The following CAPN2 variants were observed in gnomAD, a reference collection of about 807,000 sequenced individuals.
The protein encoded by CAPN2 is calpain-2 catalytic subunit.
A neutral mutation model predicts 102.3 loss-of-function variants in CAPN2; 92 were observed. The ratio of observed to expected loss-of-function variants is 0.90; its 90% CI spans 0.76 to 1.07. The LOEUF is 1.07. Ranked by LOEUF, CAPN2 falls within the 50% of genes least tolerant of loss-of-function variation. The pLI, the probability that CAPN2 is intolerant of heterozygous loss-of-function variation, is 0.00. For missense variants in CAPN2, 800 were observed against 909.4 expected (o/e 0.88, Z 1.55); for synonymous variants, 340 against 355.4 (o/e 0.96, Z 0.49).
At chr1:223,713,580 C>T (rs1485168431) in intron 1 of CAPN2, among the ~76,000 whole-genome samples, 7 of 152,194 alleles carry the variant, frequency 4.6e-5, no homozygotes, top group African/African-American at 1.4e-4. Context: ...ACTTGTGCTC[C>T]CCAATCTACT....
chr1:223,772,382 A>C lies in CAPN2; in HGVS notation c.2079+143A>C, dbSNP rs1661506023. 13 of 631,268 alleles carry C rather than the reference A, an allele frequency of 2.1e-5. No individual in the cohort carries two copies. The South Asian group carries it at 2.5e-4, about 12-fold the overall frequency. The allele number at this position is 631,268 out of a possible 1,614,324, so 39.1% of individuals were successfully genotyped here. On this transcript the variant is annotated intron_variant, in intron 20 of 20. Transcript: ENST00000295006. The stretch of plus-strand genomic sequence containing the variant: ...GGGGCCAGGCCTGTAACCGGTTGTA[A>C]GATCCCACAATGCACTTTTACTTGC...
chr1:223,712,986 G>A (rs1659780964), intron 1 of CAPN2, 109 bp downstream of exon 1: 11 of 745,502 alleles, frequency 1.5e-5, no homozygotes, highest in Non-Finnish European at 1.8e-6. Context: ...CTGCAGTGGG[G>A]AAGCCGCAAG....
intron 1 of CAPN2, among the ~76,000 whole-genome samples, chr1:223,707,079 C>CAAAAAAAA (rs34249886): frequency 1.2e-5 from 1 of 80,934 alleles, no homozygotes. Context: ...GACTCCACCT[C>CAAAAAAAA]AAAAAAAAAA....
In CAPN2 at chr1:223,731,931, G is replaced by T. The variant is rs1660347854; in HGVS notation, c.308-12169G>T. ...GTAAGCTGAGTTCTTTCCCTACTTG[G>T]TATCAGTTGCAAAGAAAGAACACTC... On this transcript the variant is annotated intron_variant, in intron 2 of 20. Coordinates refer to ENST00000295006, the MANE Select transcript of CAPN2 (RefSeq NM_001748.5). The surrounding 1 kb of genome is among the most constrained non-coding windows in gnomAD (Gnocchi z 4.2). Among the ~76,000 whole-genome samples, 1 of 152,156 alleles carries T rather than the reference G, an allele frequency of 6.6e-6. No homozygotes were observed. The highest frequency in any genetic ancestry group is 2.4e-5 in the African/African-American group (1 of 41,428).
Position 223,749,092 on chromosome 1 carries a change from G to A in CAPN2, c.783G>A (p.Gly261=). ...EAITFQKLVK[G]HAYSVTGAEE... ...TCACGTTTCAGAAGCTGGTGAAGGG[G>A]CACGCGTACTCGGTCACCGGAGCCG... Residue 261 remains glycine, a synonymous_variant, in exon 6 of 21, where the codon GGG becomes GGA. Coordinates refer to ENST00000295006, the MANE Select transcript of CAPN2 (RefSeq NM_001748.5). 2 of 1,614,092 alleles carry A rather than the reference G, an allele frequency of 1.2e-6. No individual in the cohort carries two copies. The highest frequency in any genetic ancestry group is 1.7e-6 in the Non-Finnish European group (2 of 1,179,950).
At position 223,756,317 on chromosome 1, in the gene CAPN2, C is replaced by T. The variant is rs1327900826; in HGVS notation, c.1305+668C>T. On this transcript the variant is annotated intron_variant, in intron 10 of 20. Transcript: ENST00000295006. This position sits in a 1 kb window ranked among gnomAD's most constrained non-coding sequence, Gnocchi z 4.1. ...CTCCCTTCTGCAAAACAAGAAAGAG[C>T]TTTCGTGGGCTGCAGGTAGCCATGC... Among the ~76,000 whole-genome samples, 1 of 152,206 alleles carries T rather than the reference C, an allele frequency of 6.6e-6. No homozygotes were observed. The highest frequency in any genetic ancestry group is 1.5e-5 in the Non-Finnish European group (1 of 68,038).
chr1:223,713,679 G>T (rs1376259334), intron 1 of CAPN2, among the ~76,000 whole-genome samples: 1 of 152,150 alleles, frequency 6.6e-6, no homozygotes, highest in Admixed American at 6.5e-5. Context: ...AGGAAAGCCT[G>T]CCCTGAAGTC....
chr1:223,737,924 C>G (rs562775605), intron 2 of CAPN2, among the ~76,000 whole-genome samples: 1 of 151,984 alleles, frequency 6.6e-6, no homozygotes, highest in Non-Finnish European at 1.5e-5. Flanking sequence ...ACTGTGCCCC[C>G]AGGGGAGCAC....
chr1:223,750,934 TC>T lies in CAPN2; in HGVS notation c.861del (p.Trp288GlyfsTer20), dbSNP rs1660871261. 1 of 1,552,486 alleles carries T rather than the reference TC, an allele frequency of 6.4e-7. No individual in the cohort carries two copies. Reference protein sequence around the residue: ...SLQKLIRIRNPWGEVEWTGRW... With the variant: ...SLQKLIRIRNXWGEVEWTGRW... ...TACAGAAACTGATCCGCATCCGAAA[TC>T]CCTGGGGAGAAGTGGAGTGGACAGG... On this transcript the variant is annotated frameshift_variant, in exon 7 of 21. Transcript: ENST00000295006. LOFTEE classifies it high-confidence loss of function.
intron 18 of CAPN2, chr1:223,771,017 C>T (rs950925291): frequency 6.5e-6 from 1 of 154,160 alleles, no homozygotes; most frequent in Non-Finnish European, 1.4e-5. Context: ...TGCAGAGACC[C>T]CACACAACAT....
chr1:223,771,832 C>T lies in CAPN2; in HGVS notation c.1927C>T (p.His643Tyr), dbSNP rs778036661. 1 of 1,613,530 alleles carries T rather than the reference C, an allele frequency of 6.2e-7. No homozygotes were observed. The highest frequency in any genetic ancestry group is 1.7e-4 in the Middle Eastern group (1 of 6,056). Residue 643 changes from histidine to tyrosine, a missense_variant, in exon 19 of 21, where the codon CAC becomes TAC. Physicochemically the swap from His to Tyr is moderately conservative, Grantham distance 83 (BLOSUM62 2). Coordinates refer to ENST00000295006, the MANE Select transcript of CAPN2 (RefSeq NM_001748.5). ...AGGTTTCAAGATGCCCTGTCAACTCCACCAAGTCATCGTTGCTCGGTTTGC... is the reference window on the plus strand; with the variant it reads ...AGGTTTCAAGATGCCCTGTCAACTCTACCAAGTCATCGTTGCTCGGTTTGC... The part of the protein sequence containing the change: ...EAGFKMPCQL[H>Y]QVIVARFADD...
At position 223,752,138 on chromosome 1, in the gene CAPN2, A is replaced by T. The variant is rs1016382318; in HGVS notation, c.974+67A>T. The T allele has an allele frequency of 2.7e-6, 3 of 1,119,720 alleles. No individual in the cohort carries two copies. The South Asian group carries it at 3.9e-5, about 14-fold the overall frequency. The allele number at this position is 1,119,720 out of a possible 1,614,324, so 69.4% of individuals were successfully genotyped here. ...AATGTTCTTTACTAGAAAACTGCTA[A>T]TTAGAAAGAGTGTCGGCCAAAGTGA... On this transcript the variant is annotated intron_variant, in intron 8 of 20. Coordinates refer to ENST00000295006, the MANE Select transcript of CAPN2 (RefSeq NM_001748.5).
chr1:223,728,408 A>G (rs553589681), intron 2 of CAPN2, among the ~76,000 whole-genome samples: 76 of 152,306 alleles, frequency 5.0e-4, no homozygotes, highest in Admixed American at 1.5e-3. Flanking sequence ...ATCTTACAGC[A>G]GCTCATGTCC....
At position 223,748,439 on chromosome 1, in the gene CAPN2, T is replaced by C. The variant is rs28370060; in HGVS notation, c.730-600T>C. On this transcript the variant is annotated intron_variant, in intron 5 of 20. Coordinates refer to ENST00000295006, the MANE Select transcript of CAPN2 (RefSeq NM_001748.5). ...CAGCCCTTCTTCCCAGGCTCAACCT[T>C]CATCAGAATAGATAGGGGAAAGGAG... is the stretch of plus-strand genomic sequence containing the variant. Among the ~76,000 whole-genome samples, 1,088 of 152,340 alleles carry C rather than the reference T, an allele frequency of 7.1e-3. 11 individuals carry two copies. The highest frequency in any genetic ancestry group is 0.025 in the African/African-American group (1,030 of 41,586).
At chr1:223,733,127 C>G (rs1051628974) in intron 2 of CAPN2, among the ~76,000 whole-genome samples, 1 of 152,170 alleles carries the variant, frequency 6.6e-6, no homozygotes, top group Non-Finnish European at 1.5e-5. Flanking sequence ...TCCTGCAGGA[C>G]TGTCAGCAGC....
At chr1:223,772,943 C>G (rs1661521183) in intron 20 of CAPN2, 1 of 152,224 alleles carries the variant, frequency 6.6e-6, no homozygotes, top group Non-Finnish European at 1.5e-5. Flanking sequence ...CCTCTATACT[C>G]AGGGAAGGCC....
In CAPN2 at chr1:223,729,800, C is replaced by T. The variant is rs192135234; in HGVS notation, c.307+11969C>T. Among the ~76,000 whole-genome samples, 1,399 of 152,160 alleles carry T rather than the reference C, an allele frequency of 9.2e-3. 20 individuals carry two copies. The highest frequency in any genetic ancestry group is 0.025 in the African/African-American group (1,058 of 41,504). ...GGTGGATCACCTGAGGTCAGGAGTT[C>T]GAGCCTGGCCTGGCCAACATGGTGA... On this transcript the variant is annotated intron_variant, in intron 2 of 20. Coordinates refer to ENST00000295006, the MANE Select transcript of CAPN2 (RefSeq NM_001748.5).
intron 2 of CAPN2, among the ~76,000 whole-genome samples, chr1:223,733,121 G>A (rs1432931680): frequency 1.3e-5 from 2 of 152,130 alleles, no homozygotes; most frequent in African/African-American, 4.8e-5. Flanking sequence ...CTCCTGTCCT[G>A]CAGGACTGTC....
chr1:223,774,807 C>G lies in CAPN2; in HGVS notation c.2080-27C>G, dbSNP rs755498122. Reference sequence around the variant, plus strand: ...TTTAATTTTAAAAGTGGTCACTGAGCTGACTTTTTTTTTTCCTTCCTCACA... The same window carrying G: ...TTTAATTTTAAAAGTGGTCACTGAGGTGACTTTTTTTTTTCCTTCCTCACA... On this transcript the variant is annotated intron_variant, in intron 20 of 20. Coordinates refer to ENST00000295006, the MANE Select transcript of CAPN2 (RefSeq NM_001748.5). The G allele has an allele frequency of 2.5e-6, 4 of 1,610,034 alleles. No individual in the cohort carries two copies. In the Admixed American group the frequency reaches 5.0e-5, roughly 20 times the overall value.
Sources: gnomAD v4.1 joint callset for allele counts (sites outside exome capture counted in the v4.1 genomes callset) on GRCh38, gnomAD v4.1.1 for gene constraint, Gnocchi (gnomAD v3.1) non-coding constraint, MANE v1.5 for transcripts, NCBI Gene and HGNC (gene_info 2026-07-23, HGNC 2026-07-21) for gene names.